ERC2: variants seen among roughly 807,000 people sequenced by gnomAD.
ERC2 encodes ERC protein 2.
In ERC2, 42 loss-of-function variants were observed where a neutral mutation model predicts 114.8. The ratio of observed to expected loss-of-function variants is 0.37; its 90% CI spans 0.29 to 0.47. The LOEUF is 0.47. Among genes scored for constraint, ERC2 ranks in the 20% least tolerant of loss-of-function variants. The probability of loss-of-function intolerance (pLI) is 0.99; values close to 1 mark genes in which losing one functional copy is unlikely to be tolerated. For missense variants in ERC2, 939 were observed against 1,150.7 expected, an observed-to-expected ratio of 0.82 and a Z score of 2.66; for synonymous variants, 454 against 425.5, an observed-to-expected ratio of 1.07 and a Z score of -0.82.
chr3:55,589,812 C>A (rs1332699778), intron 17 of ERC2, among the ~76,000 whole-genome samples: 1 of 152,058 alleles, frequency 6.6e-6, no homozygotes, highest in Non-Finnish European at 1.5e-5. Flanking sequence ...GTTCTGACTT[C>A]CACCAGGAAG....
chr3:55,728,278 A>G (rs1180571664), intron 15 of ERC2, among the ~76,000 whole-genome samples: 1 of 152,240 alleles, frequency 6.6e-6, no homozygotes, highest in African/African-American at 2.4e-5. Context: ...AGCAAGGCAG[A>G]TAGCTATTAT....
At chr3:56,228,232 A>G (rs970157115) in intron 3 of ERC2, among the ~76,000 whole-genome samples, 1 of 152,220 alleles carries the variant, frequency 6.6e-6, no homozygotes, top group African/African-American at 2.4e-5. Flanking sequence ...TACCATCTCA[A>G]CCATTTTTCC....
chr3:55,565,591 T>G (rs2056315836), intron 17 of ERC2, among the ~76,000 whole-genome samples: 1 of 149,032 alleles, frequency 6.7e-6, no homozygotes, highest in South Asian at 2.1e-4. Flanking sequence ...CATAAACCAC[T>G]CAGAAAAAAA....
chr3:55,537,313 G>A (rs1251457668), intron 17 of ERC2, among the ~76,000 whole-genome samples: 2 of 152,212 alleles, frequency 1.3e-5, no homozygotes, highest in Non-Finnish European at 2.9e-5. Flanking sequence ...CATAGAGGTG[G>A]AAGACGATGG....
Position 56,007,075 on chromosome 3 carries a change from C to T in ERC2, c.2061+106G>A, listed in dbSNP as rs1018751145. ...TTTAATTAATTCTTTTATCAGCAGA[C>T]AGCAACAGATAAGGGGTTTGTTTCT... On this transcript the variant is annotated intron_variant, in intron 10 of 17. Coordinates refer to ENST00000288221, the MANE Select transcript of ERC2 (RefSeq NM_015576.3). The T allele has an allele frequency of 4.4e-5, 42 of 961,606 alleles. No homozygotes were observed. The African/African-American group carries it at 6.7e-4, about 15-fold the overall frequency. 59.6% of individuals were successfully genotyped at this position (961,606 alleles called of 1,614,324 possible). A position where few individuals can be genotyped will look rare whatever the true frequency, so the allele number is the denominator to read the frequency against.
At chr3:56,341,419 T>G (rs1365985129) in intron 2 of ERC2, among the ~76,000 whole-genome samples, 1 of 152,176 alleles carries the variant, frequency 6.6e-6, no homozygotes, top group Non-Finnish European at 1.5e-5. Context: ...AAGCAGAAGT[T>G]ATGCAGAGCA....
intron 6 of ERC2, among the ~76,000 whole-genome samples, chr3:56,088,526 G>T (rs956649260): frequency 4.9e-4 from 74 of 152,210 alleles, no homozygotes; most frequent in African/African-American, 1.7e-3. Flanking sequence ...GTAGAACCTT[G>T]GGGGAGTAGA....
chr3:55,529,833 A>C (rs1167288120), intron 17 of ERC2, among the ~76,000 whole-genome samples: 1 of 152,226 alleles, frequency 6.6e-6, no homozygotes, highest in African/African-American at 2.4e-5. Context: ...CAGGAGAAGT[A>C]ATATGGCTGA....
At chr3:55,901,489 A>G (rs60186882) in intron 13 of ERC2, among the ~76,000 whole-genome samples, 152 of 152,314 alleles carry the variant, frequency 1.0e-3, no homozygotes, top group African/African-American at 3.6e-3. Context: ...TGTCCAGCTC[A>G]TTGAAGCCAC....
intron 1 of ERC2, among the ~76,000 whole-genome samples, chr3:56,443,075 A>C (rs1470234196): frequency 6.6e-6 from 1 of 152,258 alleles, no homozygotes; most frequent in Non-Finnish European, 1.5e-5. Flanking sequence ...TTGAAGTTTC[A>C]GCCCTACTAG....
chr3:56,091,043 T>C (rs188047975), intron 6 of ERC2, among the ~76,000 whole-genome samples: 1 of 152,310 alleles, frequency 6.6e-6, no homozygotes, highest in Admixed American at 6.5e-5. Flanking sequence ...AGAGTCTTGC[T>C]ATTGGTCAAG....
At chr3:55,614,610 A>T (rs2059049789) in intron 17 of ERC2, among the ~76,000 whole-genome samples, 1 of 152,222 alleles carries the variant, frequency 6.6e-6, no homozygotes, top group Non-Finnish European at 1.5e-5. Flanking sequence ...CCAATGATCT[A>T]TTATATCATT....
intron 2 of ERC2, among the ~76,000 whole-genome samples, chr3:56,332,934 A>G (rs2057691374): frequency 6.6e-6 from 1 of 152,376 alleles, no homozygotes; most frequent in Middle Eastern, 3.4e-3. Flanking sequence ...CAATGCATAT[A>G]CTGCATTTTC....
chr3:55,861,844 T>G (rs1226381020), intron 14 of ERC2, among the ~76,000 whole-genome samples: 2 of 152,242 alleles, frequency 1.3e-5, no homozygotes, highest in East Asian at 3.9e-4. Context: ...TTTCCTTCCC[T>G]GTAACTTGGG....
intron 3 of ERC2, among the ~76,000 whole-genome samples, chr3:56,220,179 C>A (rs949194506): frequency 2.0e-5 from 3 of 152,082 alleles, no homozygotes; most frequent in Admixed American, 1.3e-4. Flanking sequence ...GCAGATAAGA[C>A]CAGCAGCACA....
In ERC2 at chr3:56,080,948, A is replaced by T. The variant is rs1463949920; in HGVS notation, c.1510T>A (p.Ser504Thr). Residue 504 changes from serine (S) to threonine (T), a missense_variant, in exon 7 of 18, where the codon TCT (serine) becomes ACT (threonine). Around this residue, in one of 5 missense-constraint regions of ERC2, gnomAD observed 149 missense variants for 254.6 expected, o/e 0.59. Coordinates refer to ENST00000288221, the MANE Select transcript of ERC2 (RefSeq NM_015576.3). ...TGTTTTGTTTTTTTATTGAGGAAAG[A>T]TTCTTTTTCTTCCAGTCGTAATCTC... Reference protein sequence around the residue: ...ALRLRLEEKESFLNKKTKQLQ... With the variant: ...ALRLRLEEKETFLNKKTKQLQ... 6.2e-7 allele frequency: 1 copy of T among 1,613,374 alleles called. No individual in the cohort carries two copies. Among genetic ancestry groups the T allele is most frequent in the Non-Finnish European group, 8.5e-7 (1 of 1,179,606 alleles).
intron 2 of ERC2, among the ~76,000 whole-genome samples, chr3:56,403,814 C>T (rs2060611234): frequency 1.3e-5 from 2 of 152,184 alleles, no homozygotes; most frequent in Non-Finnish European, 2.9e-5. Context: ...CCCATCAACC[C>T]AATTCTTCAC....
intron 2 of ERC2, among the ~76,000 whole-genome samples, chr3:56,349,226 G>C (rs1360109535): frequency 6.6e-6 from 1 of 152,120 alleles, no homozygotes; most frequent in African/African-American, 2.4e-5. Context: ...ACACCAAAAT[G>C]GTGACAACGA....
intron 3 of ERC2, among the ~76,000 whole-genome samples, chr3:56,210,829 G>C (rs1251472644): frequency 6.6e-6 from 1 of 152,110 alleles, no homozygotes; most frequent in East Asian, 1.9e-4. Context: ...TGACAAGAAA[G>C]TTACATATAC....
Sources: allele counts gnomAD v4.1 joint callset (sites outside exome capture counted in the v4.1 genomes callset), GRCh38; gene constraint gnomAD v4.1.1; regional missense constraint gnomAD v4.1.1; transcripts MANE v1.5; gene names NCBI Gene and HGNC (gene_info 2026-07-23, HGNC 2026-07-21).